The following PAX5 variants were observed in gnomAD, a reference collection of about 807,000 sequenced individuals.
The protein encoded by PAX5 is paired box 5.
PAX5 carries 9 observed loss-of-function variants against 43.7 expected under a neutral mutation model. The ratio of observed to expected loss-of-function variants is 0.21; its 90% CI spans 0.12 to 0.36. The LOEUF is 0.36. Ranked by LOEUF, PAX5 falls within the 10% of genes least tolerant of loss-of-function variation. PAX5 has a pLI of 1.00. For missense variants in PAX5, 383 were observed against 532.7 expected (o/e 0.72, Z 2.77); for synonymous variants, 228 against 214.3 (o/e 1.06, Z -0.56).
chr9:36,885,666 C>T lies in PAX5; in HGVS notation c.911-3561G>A, dbSNP rs751373538. 6.0e-4 allele frequency among the ~76,000 whole-genome samples: 91 copies of T among 152,178 alleles called. 1 individual carries two copies. Among genetic ancestry groups the T allele is most frequent in the Admixed American group, 2.6e-4 (4 of 15,286 alleles). ...CAAGCCTGCCCTCTCCACCCCTGCC[C>T]TGTGCCATCTCTGCAACCACACAGA... On this transcript the variant is annotated intron_variant, in intron 7 of 9. Transcript: ENST00000358127.
chr9:36,886,854 C>T (rs571912440), intron 7 of PAX5, among the ~76,000 whole-genome samples: 1 of 152,316 alleles, frequency 6.6e-6, no homozygotes, highest in South Asian at 2.1e-4. Context: ...GCGTGGCCTT[C>T]TCTTACCAGG....
chr9:36,857,101 A>G (rs546244075), intron 8 of PAX5, among the ~76,000 whole-genome samples: 4 of 152,344 alleles, frequency 2.6e-5, no homozygotes, highest in African/African-American at 9.6e-5. Context: ...TCGTGTGTCT[A>G]GCCTCAACTG....
At chr9:37,003,226 A>C (rs1838092743) in intron 4 of PAX5, among the ~76,000 whole-genome samples, 1 of 148,200 alleles carries the variant, frequency 6.7e-6, no homozygotes, top group Non-Finnish European at 1.5e-5. Context: ...TGCACACCCA[A>C]CCCAACCTTG....
intron 5 of PAX5, among the ~76,000 whole-genome samples, chr9:36,991,769 G>A (rs866798354): frequency 1.0e-4 from 15 of 144,458 alleles, no homozygotes; most frequent in Middle Eastern, 6.9e-3. Context: ...CCTGGTGGCT[G>A]GTGCTGGGAA....
intron 6 of PAX5, among the ~76,000 whole-genome samples, chr9:36,950,021 C>T (rs1408235658): frequency 6.6e-6 from 1 of 152,226 alleles, no homozygotes; most frequent in Non-Finnish European, 1.5e-5. Context: ...TGGATGGACA[C>T]AGATAGGACC....
intron 7 of PAX5, among the ~76,000 whole-genome samples, chr9:36,909,081 T>G (rs1829043397): frequency 1.3e-5 from 2 of 152,350 alleles, no homozygotes; most frequent in South Asian, 4.1e-4. Flanking sequence ...CCTCTGAACC[T>G]CTGAGTAGCC....
At chr9:37,000,986 C>G (rs538475222) in intron 5 of PAX5, among the ~76,000 whole-genome samples, 1 of 152,344 alleles carries the variant, frequency 6.6e-6, no homozygotes, top group South Asian at 2.1e-4. Context: ...CCTCTTCGCC[C>G]AGGACACAAT....
chr9:36,912,014 C>G (rs1407741564), intron 7 of PAX5, among the ~76,000 whole-genome samples: 2 of 152,234 alleles, frequency 1.3e-5, no homozygotes, highest in Non-Finnish European at 2.9e-5. Context: ...ATGATAGACA[C>G]TGGGACTCTA....
Position 36,869,253 on chromosome 9 carries a change from G to C in PAX5, c.1012+12751C>G, listed in dbSNP as rs188534741. ...CCCAGTAGATTAAAGCTGGGTTTCG[G>C]AAAGACTGCAGTAAGTACAGGAGCA... On this transcript the variant is annotated intron_variant, in intron 8 of 9. Coordinates refer to ENST00000358127, the MANE Select transcript of PAX5 (RefSeq NM_016734.3). Among the ~76,000 whole-genome samples the C allele has an allele frequency of 1.4e-3, 212 of 152,278 alleles. 2 individuals carry two copies. In the East Asian group the frequency reaches 0.015, roughly 11 times the overall value.
chr9:36,997,590 G>A (rs962181487), intron 5 of PAX5, among the ~76,000 whole-genome samples: 5 of 152,236 alleles, frequency 3.3e-5, no homozygotes, highest in Admixed American at 6.5e-5. Flanking sequence ...TGGGCCTTCC[G>A]GAGAGGGAGG....
intron 7 of PAX5, among the ~76,000 whole-genome samples, chr9:36,902,163 G>A (rs112689470): frequency 0.013 from 1,981 of 152,226 alleles, 43 homozygotes; most frequent in African/African-American, 0.045. Context: ...ATAAAGGCTC[G>A]GCAAAGCGGT....
At chr9:36,906,839 A>T (rs572546678) in intron 7 of PAX5, among the ~76,000 whole-genome samples, 8 of 152,342 alleles carry the variant, frequency 5.3e-5, no homozygotes, top group African/African-American at 1.9e-4. Flanking sequence ...CACTCACTTC[A>T]TCTACATAGT....
intron 8 of PAX5, among the ~76,000 whole-genome samples, chr9:36,862,642 G>A (rs915257116): frequency 2.6e-5 from 4 of 152,190 alleles, no homozygotes; most frequent in Admixed American, 6.5e-5. Context: ...GGCTGGGGGC[G>A]TTTGGTCTGA....
intron 5 of PAX5, among the ~76,000 whole-genome samples, chr9:36,979,509 C>T (rs16933818): frequency 0.017 from 2,552 of 152,314 alleles, 67 homozygotes; most frequent in African/African-American, 0.059. Flanking sequence ...AATCGCACCC[C>T]TCAAATACAT....
intron 4 of PAX5, among the ~76,000 whole-genome samples, chr9:37,003,572 T>G (rs1436100892): frequency 2.6e-5 from 4 of 152,196 alleles, no homozygotes; most frequent in Non-Finnish European, 5.9e-5. Context: ...GTGCCGGGGC[T>G]CACGCCTGTA....
chr9:36,919,333 T>G (rs899025624), intron 7 of PAX5, among the ~76,000 whole-genome samples: 5 of 152,194 alleles, frequency 3.3e-5, no homozygotes, highest in Admixed American at 3.3e-4. Context: ...CTGATGGAGA[T>G]GTACAAGGAG....
At chr9:36,918,561 G>A (rs911961315) in intron 7 of PAX5, among the ~76,000 whole-genome samples, 4 of 152,138 alleles carry the variant, frequency 2.6e-5, no homozygotes, top group Non-Finnish European at 4.4e-5. Flanking sequence ...TACTCAGTAG[G>A]CTGAGGTGGG....
intron 3 of PAX5, among the ~76,000 whole-genome samples, chr9:37,008,906 T>C (rs1838698222): frequency 6.6e-6 from 1 of 152,206 alleles, no homozygotes; most frequent in African/African-American, 2.4e-5. Context: ...CACCTGGAAG[T>C]AAGCTGGCAT....
chr9:36,935,060 A>G (rs1831430243), intron 6 of PAX5, among the ~76,000 whole-genome samples: 1 of 152,306 alleles, frequency 6.6e-6, no homozygotes, highest in South Asian at 2.1e-4. Context: ...TTGTTTCTCC[A>G]GAAATGTACT....
Sources: gnomAD v4.1 joint callset for allele counts (sites outside exome capture counted in the v4.1 genomes callset) on GRCh38, gnomAD v4.1.1 for gene constraint, MANE v1.5 for transcripts, NCBI Gene and HGNC (gene_info 2026-07-23, HGNC 2026-07-21) for gene names.